The following FBH1 variants were observed in gnomAD, a reference collection of about 807,000 sequenced individuals.
FBH1 encodes DNA 3'-5' helicase 1.
In FBH1, 43 loss-of-function variants were observed where a neutral mutation model predicts 115.5. The ratio of observed to expected loss-of-function variants is 0.37; its 90% CI spans 0.29 to 0.48. FBH1 has a LOEUF of 0.48. Ranked by LOEUF, FBH1 falls within the 20% of genes least tolerant of loss-of-function variation. The probability of loss-of-function intolerance (pLI) is 0.99; values close to 1 mark genes in which losing one functional copy is unlikely to be tolerated. For missense variants in FBH1, 1,001 were observed against 1,337.3 expected, an observed-to-expected ratio of 0.75 and a Z score of 3.92; for synonymous variants, 524 against 507.8, an observed-to-expected ratio of 1.03 and a Z score of -0.43.
rs764964183 is a variant in FBH1, at chr10:5,924,756, G to T, written c.2596+248G>T. ...AGTTTGTGTATTTTTTGTAGAGATGGAGTCTCACCATGTTGGCCAGGCTGG... is the reference window on the plus strand; with the variant it reads ...AGTTTGTGTATTTTTTGTAGAGATGTAGTCTCACCATGTTGGCCAGGCTGG... On this transcript the variant is annotated intron_variant, in intron 17 of 20. Transcript: ENST00000362091. The surrounding 1 kb of genome is among the most constrained non-coding windows in gnomAD (Gnocchi z 6.2). 7.3e-6 allele frequency: 4 copies of T among 550,392 alleles called. No homozygotes were observed. Among genetic ancestry groups the T allele is most frequent in the South Asian group, 6.1e-5 (4 of 65,188 alleles). 34.1% of individuals were successfully genotyped at this position (550,392 alleles called of 1,614,324 possible).
chr10:5,923,706 C>T lies in FBH1; in HGVS notation c.2398+10C>T, dbSNP rs887066858. 10 of 1,612,736 alleles carry T rather than the reference C, an allele frequency of 6.2e-6. No individual in the cohort carries two copies. In the African/African-American group the frequency reaches 1.2e-4, roughly 19 times the overall value. On this transcript the variant is annotated intron_variant, in intron 16 of 20. Transcript: ENST00000362091. This position sits in a 1 kb window ranked among gnomAD's most constrained non-coding sequence, Gnocchi z 5.7. ...GAAGAACGGAGGAAACGTGAGTACCCACCTGGCCTTGGTGCATTGGAAGGA... is the reference window on the plus strand; with the variant it reads ...GAAGAACGGAGGAAACGTGAGTACCTACCTGGCCTTGGTGCATTGGAAGGA...
rs1175459667 is a variant in FBH1 at position 5,915,641 on chromosome 10, A to C, written c.1565+70A>C. ...CGCGTCTTACTGTTTTCCCGTGACGATCACATGTGAGCTTACACCACAGTG... is the reference window on the plus strand; with the variant it reads ...CGCGTCTTACTGTTTTCCCGTGACGCTCACATGTGAGCTTACACCACAGTG... On this transcript the variant is annotated intron_variant, in intron 9 of 20. Coordinates refer to ENST00000362091, the MANE Select transcript of FBH1 (RefSeq NM_178150.3). The surrounding 1 kb of genome is among the most constrained non-coding windows in gnomAD (Gnocchi z 5.2). The C allele has an allele frequency of 6.9e-7, 1 of 1,447,590 alleles. No homozygotes were observed. The highest frequency in any genetic ancestry group is 2.3e-5 in the East Asian group (1 of 43,828). 89.7% of individuals were successfully genotyped at this position (1,447,590 alleles called of 1,614,324 possible). A position where few individuals can be genotyped will look rare whatever the true frequency, so the allele number is the denominator to read the frequency against.
chr10:5,903,399 C>T (rs1388993229), intron 2 of FBH1, among the ~76,000 whole-genome samples: 1 of 150,278 alleles, frequency 6.7e-6, no homozygotes, highest in Non-Finnish European at 1.5e-5. Context: ...GGCGCAATCT[C>T]GGCTCACTGC....
At position 5,931,930 on chromosome 10, in the gene FBH1, A is replaced by G. The variant is rs538173714; in HGVS notation, c.2829+4389A>G. ...GGGCTGAGGCAGACAGGTCACTTTA[A>G]GTCAGGAGTTAGAGATCAGCCTGGC... On this transcript the variant is annotated intron_variant, in intron 19 of 20. Transcript: ENST00000362091. The surrounding 1 kb of genome is among the most constrained non-coding windows in gnomAD (Gnocchi z 4.3). 6.6e-6 allele frequency among the ~76,000 whole-genome samples: 1 copy of G among 152,190 alleles called. No individual in the cohort carries two copies. The highest frequency in any genetic ancestry group is 1.5e-5 in the Non-Finnish European group (1 of 68,036).
Position 5,906,450 on chromosome 10 carries a change from C to A in FBH1, c.571C>A (p.Pro191Thr). The A allele has an allele frequency of 6.2e-7, 1 of 1,614,208 alleles. No homozygotes were observed. The change falls in exon 3 of 21, where the codon CCC (proline) becomes ACC (threonine). Residue 191 changes from proline (P) to threonine (T), a missense_variant. Coordinates refer to ENST00000362091, the MANE Select transcript of FBH1 (RefSeq NM_178150.3). This position sits in a 1 kb window ranked among gnomAD's most constrained non-coding sequence, Gnocchi z 7.3. ...DQDAGDVGPD[P>T]IPDSYYGLLG... is the part of the protein sequence containing the mutation. Reference sequence around the variant, plus strand: ...AGATGCTGGGGACGTGGGTCCTGATCCCATTCCTGACTCATACTATGGGCT... The same window carrying A: ...AGATGCTGGGGACGTGGGTCCTGATACCATTCCTGACTCATACTATGGGCT...
rs141623215 is a variant in FBH1 at position 5,912,998 on chromosome 10, C to T, written c.1212-749C>T. On this transcript the variant is annotated intron_variant, in intron 6 of 20. Coordinates refer to ENST00000362091, the MANE Select transcript of FBH1 (RefSeq NM_178150.3). The stretch of plus-strand genomic sequence containing the variant: ...TCGAGGCTTGGAGATGGGCTCTTTT[C>T]GCTCTGGGGATGGGGGGCAGTGCAC... Among the ~76,000 whole-genome samples the T allele has an allele frequency of 1.4e-4, 22 of 152,202 alleles. No individual in the cohort carries two copies. The East Asian group carries it at 1.5e-3, about 11-fold the overall frequency.
chr10:5,916,803 G>T (rs568785746), intron 10 of FBH1, among the ~76,000 whole-genome samples: 1 of 152,296 alleles, frequency 6.6e-6, no homozygotes, highest in South Asian at 2.1e-4. Context: ...GGTTGAAGGT[G>T]GGAGGGTGAG....
In FBH1 at chr10:5,925,204, G is replaced by C; in HGVS notation, c.2597-163G>C. On this transcript the variant is annotated intron_variant, in intron 17 of 20. Transcript: ENST00000362091. This position sits in a 1 kb window ranked among gnomAD's most constrained non-coding sequence, Gnocchi z 4.6. ...TTTCTTTTTTCTGTTCCCGACAGTT[G>C]TCTGTTCCCGACAGTTGTTTCCTCT... is the stretch of plus-strand genomic sequence containing the variant. The C allele has an allele frequency of 1.2e-6, 1 of 813,756 alleles. No individual in the cohort carries two copies. The highest frequency in any genetic ancestry group is 1.9e-6 in the Non-Finnish European group (1 of 532,388). 50.4% of individuals were successfully genotyped at this position (813,756 alleles called of 1,614,324 possible).
chr10:5,893,863 G>T (rs1842867922), intron 1 of FBH1: 1 of 392,772 alleles, frequency 2.5e-6, no homozygotes, highest in South Asian at 1.1e-4. Context: ...ATACGTAAAA[G>T]TAGTTGTGGA....
At chr10:5,893,464 C>T (rs1842846316) in intron 1 of FBH1, among the ~76,000 whole-genome samples, 1 of 152,178 alleles carries the variant, frequency 6.6e-6, no homozygotes, top group South Asian at 2.1e-4. Flanking sequence ...AGCCTTATCT[C>T]CTGTCATTCC....
Position 5,909,168 on chromosome 10 carries a change from C to T in FBH1, c.894C>T (p.Ala298=), listed in dbSNP as rs1324499609. The T allele has an allele frequency of 6.2e-7, 1 of 1,613,666 alleles. No individual in the cohort carries two copies. The highest frequency in any genetic ancestry group is 8.5e-7 in the Non-Finnish European group (1 of 1,179,994). The change falls in exon 5 of 21, where the codon GCC becomes GCT. Residue 298 remains alanine, a synonymous_variant. Coordinates refer to ENST00000362091, the MANE Select transcript of FBH1 (RefSeq NM_178150.3). This position sits in a 1 kb window ranked among gnomAD's most constrained non-coding sequence, Gnocchi z 4.4. ...LCVLNLIRYT[A]TTKCSPSVDP... is the part of the protein sequence containing the mutation. ...TGTGAATGTCTTACAGATACACAGC[C>T]ACCACTAAGTGCTCTCCGAGTGTGG...
At position 5,925,102 on chromosome 10, in the gene FBH1, C is replaced by A. The variant is rs1032238490; in HGVS notation, c.2597-265C>A. ...TGTTAGATCCAGACGGTGGGTGGAG[C>A]CACTCTGTCCTCTGGGATGTGATTC... On this transcript the variant is annotated intron_variant, in intron 17 of 20. Transcript: ENST00000362091. This position sits in a 1 kb window ranked among gnomAD's most constrained non-coding sequence, Gnocchi z 4.6. 2.6e-5 allele frequency among the ~76,000 whole-genome samples: 4 copies of A among 152,176 alleles called. No individual in the cohort carries two copies. The highest frequency in any genetic ancestry group is 9.7e-5 in the African/African-American group (4 of 41,436).
chr10:5,902,980 A>T (rs2131889338), intron 1 of FBH1, 40 bp from the exon 2 acceptor site: 1 of 1,553,858 alleles, frequency 6.4e-7, no homozygotes, highest in Middle Eastern at 1.8e-4. Context: ...GGTGATAACT[A>T]ATGAATATCC....
In FBH1 at chr10:5,915,823, A is replaced by G; in HGVS notation, c.1565+252A>G. ...TCATGGAAGTGAGGCACAGAAAGTC[A>G]AAATGACTTGCTTAAAGTTCAGAGT... On this transcript the variant is annotated intron_variant, in intron 9 of 20. Coordinates refer to ENST00000362091, the MANE Select transcript of FBH1 (RefSeq NM_178150.3). The surrounding 1 kb of genome is among the most constrained non-coding windows in gnomAD (Gnocchi z 5.2). The G allele has an allele frequency of 1.9e-6, 1 of 523,440 alleles. No individual in the cohort carries two copies. The highest frequency in any genetic ancestry group is 3.4e-6 in the Non-Finnish European group (1 of 292,708). 32.4% of individuals were successfully genotyped at this position (523,440 alleles called of 1,614,324 possible).
chr10:5,891,664 C>T (rs1176629809), intron 1 of FBH1, among the ~76,000 whole-genome samples: 1 of 152,232 alleles, frequency 6.6e-6, no homozygotes, highest in East Asian at 1.9e-4. Flanking sequence ...GGGTGGAGTG[C>T]AGTGGCACGA....
intron 1 of FBH1, among the ~76,000 whole-genome samples, chr10:5,891,951 T>C (rs1842759158): frequency 6.6e-6 from 1 of 152,236 alleles, no homozygotes; most frequent in African/African-American, 2.4e-5. Flanking sequence ...GGTTACTTCA[T>C]TGGTGTTGCA....
In FBH1 at chr10:5,927,330, C is replaced by T. The variant is rs1180120341; in HGVS notation, c.2723-105C>T. On this transcript the variant is annotated intron_variant, in intron 18 of 20. Transcript: ENST00000362091. ...CAGCCAACAAATGTTGAGTGGTTTT[C>T]TGCGGGGAATGGGTGGGGGCTAGTA... 1.2e-5 allele frequency: 9 copies of T among 768,604 alleles called. No homozygotes were observed. The African/African-American group carries it at 1.4e-4, about 12-fold the overall frequency. The allele number at this position is 768,604 out of a possible 1,614,324, so 47.6% of individuals were successfully genotyped here.
Position 5,924,264 on chromosome 10 carries a change from G to C in FBH1, c.2399-47G>C, listed in dbSNP as rs377407373. The C allele has an allele frequency of 1.0e-5, 16 of 1,592,602 alleles. No homozygotes were observed. In the African/African-American group the frequency reaches 2.0e-4, roughly 20 times the overall value. On this transcript the variant is annotated intron_variant, in intron 16 of 20. Transcript: ENST00000362091. This position sits in a 1 kb window ranked among gnomAD's most constrained non-coding sequence, Gnocchi z 6.2. ...GAACGTGCAGCACCTGCCACCATCT[G>C]TTAGTGGAGCTTGTGTCACCTTAAT...
In FBH1 at chr10:5,895,792, G is replaced by T. The variant is rs987762435; in HGVS notation, c.1+5446G>T. On this transcript the variant is annotated intron_variant, in intron 1 of 20. Coordinates refer to ENST00000362091, the MANE Select transcript of FBH1 (RefSeq NM_178150.3). This position sits in a 1 kb window ranked among gnomAD's most constrained non-coding sequence, Gnocchi z 5.0. The stretch of plus-strand genomic sequence containing the variant: ...TCAGCTTCCCAGTTAAGGGGAAGAG[G>T]AGAAGAGTGGAGGGCAGGTCTGGAA... Among the ~76,000 whole-genome samples the T allele has an allele frequency of 6.6e-6, 1 of 152,150 alleles. No individual in the cohort carries two copies. Among genetic ancestry groups the T allele is most frequent in the African/African-American group, 2.4e-5 (1 of 41,422 alleles).
Sources: gnomAD v4.1 joint callset for allele counts (sites outside exome capture counted in the v4.1 genomes callset) on GRCh38, gnomAD v4.1.1 for gene constraint, Gnocchi (gnomAD v3.1) non-coding constraint, MANE v1.5 for transcripts, NCBI Gene and HGNC (gene_info 2026-07-23, HGNC 2026-07-21) for gene names.